MICAL2: variants seen among roughly 807,000 people sequenced by gnomAD.
MICAL2 encodes the protein microtubule associated monooxygenase, calponin and LIM domain containing 2.
Under a neutral mutation model 127.3 loss-of-function variants are expected in MICAL2, and 77 were observed. The ratio of observed to expected loss-of-function variants is 0.60; its 90% CI spans 0.50 to 0.73. The LOEUF is 0.73. MICAL2 is among the 30% of genes least tolerant of loss of function. The probability of loss-of-function intolerance (pLI) is 0.00; values close to 1 mark genes in which losing one functional copy is unlikely to be tolerated. For synonymous variants in MICAL2, 570 were observed against 551.1 expected, an observed-to-expected ratio of 1.03 and a Z score of -0.48; for missense variants, 1,351 against 1,434.4, an observed-to-expected ratio of 0.94 and a Z score of 0.94.
intron 31 of MICAL2, among the ~76,000 whole-genome samples, chr11:12,326,474 G>A (rs1310150399): frequency 6.6e-6 from 1 of 152,144 alleles, no homozygotes; most frequent in African/African-American, 2.4e-5. Flanking sequence ...ACCTTAACAG[G>A]TGTCTATAAT....
At chr11:12,188,170 G>A (rs1189268440) in intron 3 of MICAL2, among the ~76,000 whole-genome samples, 1 of 152,152 alleles carries the variant, frequency 6.6e-6, no homozygotes, top group Non-Finnish European at 1.5e-5. Flanking sequence ...TAAAGGCTTA[G>A]TATAAAAAAT....
chr11:12,198,518 C>T (rs1754058957), intron 3 of MICAL2, among the ~76,000 whole-genome samples: 1 of 152,168 alleles, frequency 6.6e-6, no homozygotes, highest in African/African-American at 2.4e-5. Flanking sequence ...TGTTCTTATT[C>T]ACGGTAAACC....
At chr11:12,232,967 G>A (rs777631609) in intron 15 of MICAL2, among the ~76,000 whole-genome samples, 1 of 152,112 alleles carries the variant, frequency 6.6e-6, no homozygotes, top group Non-Finnish European at 1.5e-5. Context: ...CCTGGAATGT[G>A]AATCATCCCT....
chr11:12,261,666 G>C, intron 26 of MICAL2: 2 of 985,476 alleles, frequency 2.0e-6, no homozygotes, highest in Non-Finnish European at 2.4e-6. Context: ...AGAGCTTTGA[G>C]ATGACAGTTT....
intron 26 of MICAL2, chr11:12,261,840 C>G: frequency 3.0e-6 from 3 of 985,644 alleles, no homozygotes; most frequent in Non-Finnish European, 3.6e-6. Context: ...CCAATTTTTG[C>G]TGGGATTTTA....
In MICAL2 at chr11:12,244,084, C is replaced by G; in HGVS notation, c.2756C>G (p.Thr919Ser). ...CCAGCTGCTTCTTCCTCTCCATCAA[C>G]TGTTGACTCTGCTTCTCCTGCCAGA... is the stretch of plus-strand genomic sequence containing the variant. The part of the protein sequence containing the change: ...PDPAASSSPS[T>S]VDSASPARKE... The change falls in exon 21 of 28, where the codon ACT becomes AGT. Residue 919 changes from threonine to serine, a missense_variant. Physicochemically the swap from Thr to Ser is moderately conservative, Grantham distance 58. Around this residue, in one of 2 missense-constraint regions of MICAL2, gnomAD observed 752 missense variants for 719.4 expected, o/e 1.05. Transcript: ENST00000683283. 2 of 1,614,250 alleles carry G rather than the reference C, an allele frequency of 1.2e-6. No homozygotes were observed. The highest frequency in any genetic ancestry group is 1.7e-6 in the Non-Finnish European group (2 of 1,180,046).
intron 8 of MICAL2, 76 bp from the exon 9 acceptor site, chr11:12,220,125 C>A: frequency 1.3e-6 from 2 of 1,572,444 alleles, no homozygotes; most frequent in East Asian, 2.2e-5. Flanking sequence ...ATTCCAAGTC[C>A]TTTTGCCAAG....
At chr11:12,143,305 A>G (rs1417446153) in intron 2 of MICAL2, among the ~76,000 whole-genome samples, 1 of 152,200 alleles carries the variant, frequency 6.6e-6, no homozygotes, top group African/African-American at 2.4e-5. Context: ...TGAGGGTGCA[A>G]GGAATGAGAC....
chr11:12,177,433 C>G (rs1856957154), intron 3 of MICAL2, among the ~76,000 whole-genome samples: 1 of 152,156 alleles, frequency 6.6e-6, no homozygotes, highest in African/African-American at 2.4e-5. Context: ...AATATTTTCT[C>G]TCATTCTGTG....
intron 2 of MICAL2, among the ~76,000 whole-genome samples, chr11:12,160,411 C>T (rs1035575997): frequency 6.6e-6 from 1 of 152,188 alleles, no homozygotes; most frequent in Admixed American, 6.5e-5. Context: ...CTGTCTTCTG[C>T]TCCTCACCAC....
At chr11:12,129,130 CAATCAGCAT>C (rs1851194296) in intron 1 of MICAL2, among the ~76,000 whole-genome samples, 1 of 152,104 alleles carries the variant, frequency 6.6e-6, no homozygotes, top group South Asian at 2.1e-4. Context: ...GAATAGAATT[CAATCAGCAT>C]CTTTCTAAAA....
intron 29 of MICAL2, among the ~76,000 whole-genome samples, chr11:12,305,012 A>C (rs1236307430): frequency 3.3e-5 from 5 of 152,160 alleles, no homozygotes; most frequent in Admixed American, 3.3e-4. Context: ...TTTGGGGAGA[A>C]TTAACGTCTT....
At chr11:12,294,467 C>T, downstream of MICAL2, 1 of 1,614,214 alleles carries the variant, frequency 6.2e-7, no homozygotes, top group South Asian at 1.1e-5. Context: ...CCTCCGCACC[C>T]ACAGTTTGCC....
chr11:12,262,563 A>C, intron 27 of MICAL2, 26 bp downstream of exon 27: 1 of 1,590,470 alleles, frequency 6.3e-7, no homozygotes, highest in Non-Finnish European at 8.6e-7. Context: ...GCCAATTTTC[A>C]AAGAGTGGTA....
At chr11:12,200,939 C>T (rs967023691) in intron 3 of MICAL2, among the ~76,000 whole-genome samples, 2 of 152,118 alleles carry the variant, frequency 1.3e-5, no homozygotes, top group Admixed American at 1.3e-4. Context: ...CCTTCTACCC[C>T]TGCTCCAAAA....
chr11:12,181,089 A>C (rs4757254), intron 3 of MICAL2, among the ~76,000 whole-genome samples: 1 of 151,998 alleles, frequency 6.6e-6, no homozygotes, highest in Non-Finnish European at 1.5e-5. Flanking sequence ...GATTATAGGC[A>C]CCTGCCACCA....
chr11:12,174,642 A>G (rs1856643032), intron 3 of MICAL2, among the ~76,000 whole-genome samples: 1 of 151,976 alleles, frequency 6.6e-6, no homozygotes, highest in Non-Finnish European at 1.5e-5. Context: ...GTGGTGATGA[A>G]CACTGACGTG....
At chr11:12,354,664 G>A in intron 33 of MICAL2, 2 of 741,042 alleles carry the variant, frequency 2.7e-6, no homozygotes, top group Non-Finnish European at 2.1e-6. Flanking sequence ...ATAAAGATAG[G>A]CTAAAACTCC....
chr11:12,262,543 T>C lies in MICAL2; in HGVS notation c.*17+6T>C. ...TGACACACTTCTGCTCTAAGGTGAC[T>C]GGTTTTCTTGCCAATTTTCAAAGAG... On this transcript the variant is annotated splice_donor_region_variant and intron_variant, in intron 27 of 27. Transcript: ENST00000683283. The C allele has an allele frequency of 6.2e-7, 1 of 1,609,284 alleles. No homozygotes were observed. Among genetic ancestry groups the C allele is most frequent in the Non-Finnish European group, 8.5e-7 (1 of 1,175,756 alleles).
Sources: gnomAD v4.1 joint callset for allele counts (sites outside exome capture counted in the v4.1 genomes callset) on GRCh38, gnomAD v4.1.1 for gene constraint, gnomAD v4.1.1 regional missense constraint, MANE v1.5 for transcripts, NCBI Gene and HGNC (gene_info 2026-07-23, HGNC 2026-07-21) for gene names.